CCNA1: variants seen among roughly 807,000 people sequenced by gnomAD.
The protein encoded by CCNA1 is cyclin A1.
CCNA1 carries 23 observed loss-of-function variants against 54.1 expected under a neutral mutation model. That is an observed-to-expected ratio of 0.42 (90% CI 0.31 to 0.60). The LOEUF (loss-of-function observed/expected upper bound fraction) is 0.60. Ranked by LOEUF, CCNA1 falls within the 20% of genes least tolerant of loss-of-function variation. The pLI, the probability that CCNA1 is intolerant of heterozygous loss-of-function variation, is 0.14. For missense variants in CCNA1, 450 were observed against 556.7 expected, an observed-to-expected ratio of 0.81 and a Z score of 1.93; for synonymous variants, 208 against 213.9, an observed-to-expected ratio of 0.97 and a Z score of 0.24.
intron 2 of CCNA1, among the ~76,000 whole-genome samples, 176 bp from the exon 3 acceptor site, chr13:36,437,453 G>T (rs2055817997): frequency 6.6e-6 from 1 of 151,990 alleles, no homozygotes; most frequent in Non-Finnish European, 1.5e-5. Context: ...ACAAAGATAA[G>T]GGGGGAAAAA....
intron 3 of CCNA1, 85 bp from the exon 4 acceptor site, chr13:36,437,980 CTG>C (rs2055827819): frequency 1.9e-6 from 3 of 1,570,752 alleles, no homozygotes; most frequent in Non-Finnish European, 1.7e-6. Context: ...CAAGTAATAA[CTG>C]TATTCACAAC....
Position 36,440,168 on chromosome 13 carries a change from T to G in CCNA1, c.1083T>G (p.Thr361=). 1 of 1,613,916 alleles carries G rather than the reference T, an allele frequency of 6.2e-7. No homozygotes were observed. Among genetic ancestry groups the G allele is most frequent in the South Asian group, 1.1e-5 (1 of 91,076 alleles). ...GGCGACAAGGAGTGTGCGTCAGGAC[T>G]GAGAACCTGGCTAAGGTGTGTATGC... The change falls in exon 6 of 9, where the codon ACT becomes ACG. Residue 361 remains threonine (T), a synonymous_variant. Coordinates refer to ENST00000255465, the MANE Select transcript of CCNA1 (RefSeq NM_003914.4).
chr13:36,433,235 C>G lies in CCNA1; in HGVS notation c.297+14C>G. On this transcript the variant is annotated intron_variant, in intron 2 of 8. Transcript: ENST00000255465. ...ACCTGTGGCCAGGTAATGACTCAGA[C>G]GCATTGAGAATGATGCTTGTGGAGA... 3 of 1,600,398 alleles carry G rather than the reference C, an allele frequency of 1.9e-6. No individual in the cohort carries two copies. Among genetic ancestry groups the G allele is most frequent in the Non-Finnish European group, 2.6e-6 (3 of 1,172,424 alleles).
chr13:36,433,155 T>C lies in CCNA1; in HGVS notation c.231T>C (p.Asp77=). Residue 77 remains aspartate (D), a synonymous_variant, in exon 2 of 9, where the codon GAT becomes GAC. Coordinates refer to ENST00000255465, the MANE Select transcript of CCNA1 (RefSeq NM_003914.4). ...TCACCAGAGCCCCGCTGGGCCAGGA[T>C]CCCCCGCAGAGGACAGTGCTAGGGC... The C allele has an allele frequency of 6.2e-7, 1 of 1,614,054 alleles. No homozygotes were observed. Among genetic ancestry groups the C allele is most frequent in the Middle Eastern group, 1.6e-4 (1 of 6,062 alleles).
chr13:36,437,645 G>A lies in CCNA1; in HGVS notation c.314G>A (p.Arg105Lys). 3 of 1,613,948 alleles carry A rather than the reference G, an allele frequency of 1.9e-6. No individual in the cohort carries two copies. In the South Asian group the frequency reaches 3.3e-5, roughly 18 times the overall value. The change falls in exon 3 of 9, where the codon AGG (arginine) becomes AAG (lysine). Residue 105 changes from arginine (R) to lysine (K), a missense_variant. Physicochemically the swap from Arg to Lys is conservative, Grantham distance 26. Around this residue, in one of 6 missense-constraint regions of CCNA1, gnomAD observed 19 missense variants for 40.5 expected, o/e 0.47. Coordinates refer to ENST00000255465, the MANE Select transcript of CCNA1 (RefSeq NM_003914.4). ...GTTTTTTAGGGGATCACAAGAATCA[G>A]GTGTTATTCTGGATCAGAAAATGCC...
At chr13:36,442,349 T>C in intron 8 of CCNA1, 45 bp downstream of exon 8, 1 of 1,590,934 alleles carries the variant, frequency 6.3e-7, no homozygotes, top group African/African-American at 1.3e-5. Context: ...ATTTAAAGCT[T>C]AATGGGTTAT....
At chr13:36,438,341 G>A (rs1046529568) in intron 4 of CCNA1, 150 bp downstream of exon 4, 6 of 737,378 alleles carry the variant, frequency 8.1e-6, no homozygotes, top group Non-Finnish European at 1.3e-5. Context: ...AGTTGTGATG[G>A]CAAGTCGCAA....
At position 36,440,031 on chromosome 13, in the gene CCNA1, G is replaced by A. The variant is rs1273259772; in HGVS notation, c.946G>A (p.Asp316Asn). ...AGTAGACGAGTTTGTCTATATCACCGATGATACATACACAAAACGACAACT... is the reference window on the plus strand; with the variant it reads ...AGTAGACGAGTTTGTCTATATCACCAATGATACATACACAAAACGACAACT... The change falls in exon 6 of 9, where the codon GAT becomes AAT. Residue 316 changes from aspartate to asparagine, a missense_variant. Coordinates refer to ENST00000255465, the MANE Select transcript of CCNA1 (RefSeq NM_003914.4). 4 of 1,613,364 alleles carry A rather than the reference G, an allele frequency of 2.5e-6. No individual in the cohort carries two copies. The highest frequency in any genetic ancestry group is 2.2e-5 in the East Asian group (1 of 44,876).
In CCNA1 at chr13:36,442,206, A is replaced by C. The variant is rs775786587; in HGVS notation, c.1248A>C (p.Leu416Phe). 4 of 1,613,968 alleles carry C rather than the reference A, an allele frequency of 2.5e-6. No individual in the cohort carries two copies. The highest frequency in any genetic ancestry group is 2.2e-5 in the South Asian group (2 of 91,046). The stretch of plus-strand genomic sequence containing the variant: ...TTGCTGCATTTACAGGGTATTCATT[A>C]AGTGAAATTGTGCCTTGCCTGAGTG... Residue 416 changes from leucine to phenylalanine, a missense_variant, in exon 8 of 9, where the codon TTA becomes TTC. Coordinates refer to ENST00000255465, the MANE Select transcript of CCNA1 (RefSeq NM_003914.4).
At chr13:36,439,920 A>G in intron 5 of CCNA1, 59 bp from the exon 6 acceptor site, 1 of 1,155,704 alleles carries the variant, frequency 8.7e-7, no homozygotes, top group Admixed American at 1.8e-5. Context: ...GGCTTATGGT[A>G]GCACAGGAGT....
At chr13:36,434,860 G>T (rs1201677520) in intron 2 of CCNA1, among the ~76,000 whole-genome samples, 1 of 146,106 alleles carries the variant, frequency 6.8e-6, no homozygotes, top group Non-Finnish European at 1.5e-5. Flanking sequence ...CAATATACTC[G>T]TGTCTTCTTG....
chr13:36,432,547 G>T lies in CCNA1; in HGVS notation c.-75G>T. On this transcript the variant is annotated 5_prime_UTR_variant, in exon 1 of 9. Transcript: ENST00000255465. ...CGACGGGAAGAGCGGGGCCCGCTTT[G>T]GGGTCCAGGCAGGTTTTGGGGCCTC... 1 of 805,422 alleles carries T rather than the reference G, an allele frequency of 1.2e-6. No homozygotes were observed. Among genetic ancestry groups the T allele is most frequent in the South Asian group, 1.8e-5 (1 of 56,700 alleles). 49.9% of individuals were successfully genotyped at this position (805,422 alleles called of 1,614,324 possible).
At chr13:36,434,547 T>C (rs982304235) in intron 2 of CCNA1, among the ~76,000 whole-genome samples, 1 of 152,146 alleles carries the variant, frequency 6.6e-6, no homozygotes, top group Non-Finnish European at 1.5e-5. Context: ...CATTTTAAAT[T>C]CCCAGTTGCT....
Position 36,433,373 on chromosome 13 carries a change from T to A in CCNA1, c.297+152T>A, listed in dbSNP as rs192288996. 4.2e-3 allele frequency: 275 copies of A among 65,360 alleles called. 11 individuals are homozygous for A. Among genetic ancestry groups the A allele is most frequent in the Admixed American group, 6.1e-3 (14 of 2,280 alleles). 4.0% of individuals were successfully genotyped at this position (65,360 alleles called of 1,614,324 possible). A position where few individuals can be genotyped will look rare whatever the true frequency, so the allele number is the denominator to read the frequency against. On this transcript the variant is annotated intron_variant, in intron 2 of 8. Transcript: ENST00000255465. Reference sequence around the variant, plus strand: ...TACAGGAAAGTTGATTGATTTATTTTCTTTCTTTCTTTCTTTCTTTCTTTC... The same window carrying A: ...TACAGGAAAGTTGATTGATTTATTTACTTTCTTTCTTTCTTTCTTTCTTTC...
At chr13:36,432,886 T>G (rs2055732862) in intron 1 of CCNA1, 147 bp from the exon 2 acceptor site, 1 of 982,750 alleles carries the variant, frequency 1.0e-6, no homozygotes, top group Admixed American at 2.1e-5. Flanking sequence ...GCACCTGCCC[T>G]TTCAGCCCCA....
intron 7 of CCNA1, 81 bp from the exon 8 acceptor site, chr13:36,442,090 T>C: frequency 9.1e-6 from 10 of 1,094,748 alleles, no homozygotes; most frequent in Non-Finnish European, 1.4e-5. Flanking sequence ...AAGGGACTAA[T>C]TCCCTTTATT....
chr13:36,432,911 G>T (rs1367372291), intron 1 of CCNA1, 122 bp from the exon 2 acceptor site: 51 of 1,030,318 alleles, frequency 4.9e-5, no homozygotes, highest in Non-Finnish European at 7.1e-5. Context: ...TTACTGGGAA[G>T]ATCAGCAATT....
intron 1 of CCNA1, 89 bp downstream of exon 1, chr13:36,432,818 C>A: frequency 9.7e-7 from 1 of 1,032,996 alleles, no homozygotes; most frequent in East Asian, 2.5e-5. Context: ...TAAAAAGCCT[C>A]CCTCAGGGAT....
In CCNA1 at chr13:36,440,023, A is replaced by G. The variant is rs1327331406; in HGVS notation, c.938A>G (p.Tyr313Cys). The change falls in exon 6 of 9, where the codon TAT (tyrosine) becomes TGT (cysteine). Residue 313 changes from tyrosine (Y) to cysteine (C), a missense_variant. Physicochemically the swap from Tyr to Cys is radical, Grantham distance 194 (BLOSUM62 -2). Transcript: ENST00000255465. ...CCTCCTGAAGTAGACGAGTTTGTCT[A>G]TATCACCGATGATACATACACAAAA... 5.0e-6 allele frequency: 8 copies of G among 1,613,114 alleles called. No homozygotes were observed. The African/African-American group carries it at 5.3e-5, about 11-fold the overall frequency.
Sources: allele counts gnomAD v4.1 joint callset (sites outside exome capture counted in the v4.1 genomes callset), GRCh38; gene constraint gnomAD v4.1.1; regional missense constraint gnomAD v4.1.1; transcripts MANE v1.5; gene names NCBI Gene and HGNC (gene_info 2026-07-23, HGNC 2026-07-21).